SLC4A10: variants seen among roughly 807,000 people sequenced by gnomAD.
The protein encoded by SLC4A10 is solute carrier family 4 member 10.
A neutral mutation model predicts 137.7 loss-of-function variants in SLC4A10; 42 were observed. The observed-to-expected ratio is 0.30, with a 90% confidence interval of 0.24 to 0.39. The LOEUF is 0.39. SLC4A10 is among the 10% of genes least tolerant of loss of function. The probability of loss-of-function intolerance (pLI) is 1.00; values close to 1 mark genes in which losing one functional copy is unlikely to be tolerated. For missense variants in SLC4A10, 925 were observed against 1,355.0 expected (o/e 0.68, Z 4.98); for synonymous variants, 474 against 464.1 (o/e 1.02, Z -0.27).
chr2:161,853,308 A>C (rs1220298603), intron 4 of SLC4A10, among the ~76,000 whole-genome samples: 1 of 152,184 alleles, frequency 6.6e-6, no homozygotes, highest in African/African-American at 2.4e-5. Flanking sequence ...ATTGTATTAA[A>C]TAGTGACTTA....
chr2:161,876,731 T>G (rs2061471986), intron 8 of SLC4A10, among the ~76,000 whole-genome samples: 1 of 152,134 alleles, frequency 6.6e-6, no homozygotes, highest in Non-Finnish European at 1.5e-5. Context: ...CAAATAAGTT[T>G]CTTCATGAAG....
intron 1 of SLC4A10, among the ~76,000 whole-genome samples, chr2:161,723,350 G>A (rs375642292): frequency 7.9e-5 from 12 of 152,164 alleles, no homozygotes; most frequent in East Asian, 3.9e-4. Context: ...GCTTTTTCTC[G>A]CTCTCCGTGG....
chr2:161,850,002 C>T (rs1045682837), intron 4 of SLC4A10, among the ~76,000 whole-genome samples: 2 of 152,054 alleles, frequency 1.3e-5, no homozygotes, highest in African/African-American at 4.8e-5. Flanking sequence ...TTGGCTGTGA[C>T]TCCATCTGAT....
intron 2 of SLC4A10, among the ~76,000 whole-genome samples, chr2:161,797,216 A>T (rs1185138127): frequency 6.6e-6 from 1 of 152,066 alleles, no homozygotes; most frequent in East Asian, 1.9e-4. Flanking sequence ...CTCTAATATG[A>T]ACTTCACATT....
chr2:161,639,430 C>T (rs1404941282), intron 1 of SLC4A10, among the ~76,000 whole-genome samples: 2 of 152,074 alleles, frequency 1.3e-5, no homozygotes, highest in Non-Finnish European at 2.9e-5. Context: ...TCCCTACAAT[C>T]AAGTGGGATT....
Position 161,725,791 on chromosome 2 carries a change from A to G in SLC4A10, c.49-45182A>G, listed in dbSNP as rs538197669. On this transcript the variant is annotated intron_variant, in intron 1 of 26. Coordinates refer to ENST00000446997, the MANE Select transcript of SLC4A10 (RefSeq NM_001178015.2). ...GCCATCCTTTTGCCAAAGCCGTGCCATCTGTCTGGAATACCCTATTCACCC... is the reference window on the plus strand; with the variant it reads ...GCCATCCTTTTGCCAAAGCCGTGCCGTCTGTCTGGAATACCCTATTCACCC... Among the ~76,000 whole-genome samples, 228 of 152,348 alleles carry G rather than the reference A, an allele frequency of 1.5e-3. 1 individual carries two copies. Among genetic ancestry groups the G allele is most frequent in the Non-Finnish European group, 1.7e-3 (116 of 68,036 alleles).
chr2:161,970,846 A>C (rs1559656942), intron 23 of SLC4A10, among the ~76,000 whole-genome samples: 1 of 152,242 alleles, frequency 6.6e-6, no homozygotes, highest in African/African-American at 2.4e-5. Context: ...CCTGTTATCA[A>C]ACCACACCAG....
intron 1 of SLC4A10, among the ~76,000 whole-genome samples, chr2:161,635,570 A>G (rs1350463221): frequency 6.6e-6 from 1 of 152,128 alleles, no homozygotes; most frequent in African/African-American, 2.4e-5. Flanking sequence ...TCATTCTGGT[A>G]AAGCCATGTT....
chr2:161,625,094 T>C (rs1428272904), intron 1 of SLC4A10, among the ~76,000 whole-genome samples: 4 of 151,528 alleles, frequency 2.6e-5, no homozygotes. Context: ...TGTGTGTGTG[T>C]GTGTGTGTGT....
intron 2 of SLC4A10, among the ~76,000 whole-genome samples, chr2:161,792,727 A>G (rs114697811): frequency 0.017 from 2,586 of 152,212 alleles, 74 homozygotes; most frequent in African/African-American, 0.059. Context: ...ACTCACCAAT[A>G]TTAATTAAGT....
chr2:161,847,242 C>CA (rs2059556106), intron 4 of SLC4A10, among the ~76,000 whole-genome samples: 3 of 151,540 alleles, frequency 2.0e-5, no homozygotes, highest in Admixed American at 2.0e-4. Context: ...GACTATGTCT[C>CA]AAAAAAGTTT....
chr2:161,796,553 A>G (rs2054793282), intron 2 of SLC4A10, among the ~76,000 whole-genome samples: 1 of 152,198 alleles, frequency 6.6e-6, no homozygotes, highest in Admixed American at 6.5e-5. Context: ...ACATTTGCTA[A>G]TGCCCCATTG....
At chr2:161,971,110 A>T (rs1698444094) in intron 23 of SLC4A10, among the ~76,000 whole-genome samples, 1 of 152,224 alleles carries the variant, frequency 6.6e-6, no homozygotes. Context: ...TCATTATTAC[A>T]TACCTAGTAC....
chr2:161,795,920 G>A (rs888092004), intron 2 of SLC4A10, among the ~76,000 whole-genome samples: 1 of 151,994 alleles, frequency 6.6e-6, no homozygotes, highest in Non-Finnish European at 1.5e-5. Context: ...TGCCTTGGAT[G>A]TTGCTTGCCT....
chr2:161,970,061 G>A (rs1263153932), intron 23 of SLC4A10, among the ~76,000 whole-genome samples: 2 of 152,138 alleles, frequency 1.3e-5, no homozygotes, highest in Admixed American at 1.3e-4. Context: ...TGGGGATGGG[G>A]CCAACCATCT....
At chr2:161,885,083 G>A (rs1416153598) in intron 10 of SLC4A10, among the ~76,000 whole-genome samples, 2 of 151,970 alleles carry the variant, frequency 1.3e-5, no homozygotes, top group South Asian at 2.1e-4. Context: ...GAGGCTGAGA[G>A]GGGAGAATCA....
chr2:161,817,615 C>T (rs544038809), intron 3 of SLC4A10, among the ~76,000 whole-genome samples: 59 of 152,214 alleles, frequency 3.9e-4, no homozygotes, highest in Non-Finnish European at 6.9e-4. Context: ...TGGTTTTAGT[C>T]TAACATGTAA....
chr2:161,741,301 C>T (rs2047867250), intron 1 of SLC4A10, among the ~76,000 whole-genome samples: 1 of 149,866 alleles, frequency 6.7e-6, no homozygotes, highest in African/African-American at 2.5e-5. Flanking sequence ...CAGTCCTCCG[C>T]TCTACCAACT....
intron 3 of SLC4A10, among the ~76,000 whole-genome samples, chr2:161,806,319 C>T (rs2055951446): frequency 6.6e-6 from 1 of 152,084 alleles, no homozygotes; most frequent in African/African-American, 2.4e-5. Context: ...ACATTTTCCC[C>T]ATTGTCTTGG....
Sources: gnomAD v4.1 joint callset for allele counts (sites outside exome capture counted in the v4.1 genomes callset) on GRCh38, gnomAD v4.1.1 for gene constraint, MANE v1.5 for transcripts, NCBI Gene and HGNC (gene_info 2026-07-23, HGNC 2026-07-21) for gene names.